The following PDE1C variants were observed in gnomAD, a reference collection of about 807,000 sequenced individuals.
PDE1C encodes dual specificity calcium/calmodulin-dependent 3',5'-cyclic nucleotide phosphodiesterase 1C.
Under a neutral mutation model 93.1 loss-of-function variants are expected in PDE1C, and 62 were observed. The observed-to-expected ratio is 0.67, with a 90% CI of 0.54 to 0.82. The LOEUF (loss-of-function observed/expected upper bound fraction) is 0.82. PDE1C is among the 40% of genes least tolerant of loss of function. The pLI, the probability that PDE1C is intolerant of heterozygous loss-of-function variation, is 0.00. For missense variants in PDE1C, 742 were observed against 884.6 expected (o/e 0.84, Z 2.04); for synonymous variants, 325 against 310.1 (o/e 1.05, Z -0.50).
At chr7:31,959,865 T>C (rs1009728639) in intron 2 of PDE1C, among the ~76,000 whole-genome samples, 1 of 151,956 alleles carries the variant, frequency 6.6e-6, no homozygotes, top group Non-Finnish European at 1.5e-5. Flanking sequence ...AATTTTCGAC[T>C]TGCTAATTTT....
intron 16 of PDE1C, among the ~76,000 whole-genome samples, chr7:31,796,327 G>A (rs1166611317): frequency 1.3e-5 from 2 of 151,496 alleles, no homozygotes; most frequent in Non-Finnish European, 3.0e-5. Flanking sequence ...ATAAGTGTGT[G>A]TGTAATTTCA....
At chr7:31,681,956 G>A in the PDE1C span, among the ~76,000 whole-genome samples, 4 of 152,148 alleles carry the variant, frequency 2.6e-5, no homozygotes, top group Non-Finnish European at 5.9e-5. Flanking sequence ...TTAACTGTAT[G>A]TATTCTCTCA....
intron 14 of PDE1C, among the ~76,000 whole-genome samples, chr7:31,822,498 A>G (rs1789096594): frequency 6.6e-6 from 1 of 152,180 alleles, no homozygotes. Flanking sequence ...TGATAGTACC[A>G]AGGGCCACAA....
At chr7:31,919,778 C>T (rs1210127011) in intron 2 of PDE1C, among the ~76,000 whole-genome samples, 1 of 152,182 alleles carries the variant, frequency 6.6e-6, no homozygotes, top group Non-Finnish European at 1.5e-5. Context: ...ATCCAGTCCA[C>T]CTGTTAGAGG....
chr7:31,957,751 T>C (rs956268268), intron 2 of PDE1C, among the ~76,000 whole-genome samples: 2 of 152,152 alleles, frequency 1.3e-5, no homozygotes, highest in Non-Finnish European at 2.9e-5. Context: ...TTTCCAGATG[T>C]GGCGTTGGTA....
intron 16 of PDE1C, among the ~76,000 whole-genome samples, chr7:31,782,367 G>T (rs1049598621): frequency 6.6e-6 from 1 of 152,094 alleles, no homozygotes; most frequent in Admixed American, 6.5e-5. Context: ...TGTTGGATGG[G>T]GTATTACAAG....
At chr7:31,701,524 TA>T in the PDE1C span, among the ~76,000 whole-genome samples, 1 of 152,376 alleles carries the variant, frequency 6.6e-6, no homozygotes, top group African/African-American at 2.4e-5. Flanking sequence ...GAATATTATG[TA>T]AACTTAGTTT....
intron 2 of PDE1C, among the ~76,000 whole-genome samples, chr7:31,901,046 T>C (rs971877561): frequency 6.7e-6 from 1 of 150,240 alleles, no homozygotes; most frequent in Non-Finnish European, 1.5e-5. Flanking sequence ...TTGGAAACAA[T>C]AGCCAGGATT....
chr7:31,843,390 T>C (rs1320848769), intron 9 of PDE1C, among the ~76,000 whole-genome samples: 2 of 151,990 alleles, frequency 1.3e-5, no homozygotes, highest in African/African-American at 2.4e-5. Context: ...AGTTACCTAA[T>C]AGTTATTTAT....
At chr7:31,713,675 T>G in the PDE1C span, among the ~76,000 whole-genome samples, 1 of 152,202 alleles carries the variant, frequency 6.6e-6, no homozygotes, top group African/African-American at 2.4e-5. Flanking sequence ...GGCATTTCCA[T>G]GTATCCTCTC....
intron 2 of PDE1C, among the ~76,000 whole-genome samples, chr7:31,968,536 A>C (rs997298289): frequency 2.2e-4 from 33 of 150,826 alleles, no homozygotes; most frequent in Non-Finnish European, 4.4e-4. Context: ...CATACTGCCC[A>C]AGGTAATTTA....
the PDE1C span, among the ~76,000 whole-genome samples, chr7:31,692,743 CAGAGAGAGAGAAAG>C: frequency 6.6e-6 from 1 of 152,064 alleles, no homozygotes; most frequent in Non-Finnish European, 1.5e-5. Context: ...GTTCATTAGA[CAGAGAGAGAGAAAG>C]AGAGAGAGAG....
At chr7:31,907,493 T>A (rs10259190) in intron 2 of PDE1C, among the ~76,000 whole-genome samples, 1 of 151,962 alleles carries the variant, frequency 6.6e-6, no homozygotes, top group Admixed American at 6.6e-5. Context: ...TGAGCAACGA[T>A]GGGAATGTAA....
chr7:32,418,703 G>C (rs915969484), intron 1 of PDE1C, among the ~76,000 whole-genome samples: 10 of 152,136 alleles, frequency 6.6e-5, no homozygotes, highest in African/African-American at 2.4e-4. Flanking sequence ...AAGGTACTGA[G>C]TTATTAGGGT....
chr7:31,902,114 A>C (rs1051717655), intron 2 of PDE1C, among the ~76,000 whole-genome samples: 9 of 151,646 alleles, frequency 5.9e-5, no homozygotes, highest in African/African-American at 2.2e-4. Context: ...AGACCAATAG[A>C]GCAAACAAAC....
chr7:31,952,111 G>T (rs563409814), intron 2 of PDE1C, among the ~76,000 whole-genome samples: 1 of 152,202 alleles, frequency 6.6e-6, no homozygotes, highest in African/African-American at 2.4e-5. Flanking sequence ...TACTCCCCCA[G>T]TATCATACAT....
At chr7:31,964,516 C>T (rs532079290) in intron 2 of PDE1C, among the ~76,000 whole-genome samples, 1 of 152,350 alleles carries the variant, frequency 6.6e-6, no homozygotes, top group Non-Finnish European at 1.5e-5. Flanking sequence ...CCTCTGTAGG[C>T]TCCACCTTTG....
In PDE1C at chr7:31,788,275, T is replaced by C. The variant is rs570737290; in HGVS notation, c.1892-12543A>G. 7 of 152,282 alleles carry C rather than the reference T, an allele frequency of 4.6e-5. No individual in the cohort carries two copies. The South Asian group carries it at 8.3e-4, about 18-fold the overall frequency. The allele number at this position is 152,282 out of a possible 1,614,324, so 9.4% of individuals were successfully genotyped here. A position where few individuals can be genotyped will look rare whatever the true frequency, so the allele number is the denominator to read the frequency against. ...AAGGTCCAGGTTCCAAGGTCAAAAA[T>C]TGACATACTCTTGGTTATATTTAAT... On this transcript the variant is annotated intron_variant, in intron 16 of 17. Coordinates refer to ENST00000396191, the MANE Select transcript of PDE1C (RefSeq NM_001191057.4).
chr7:31,780,126 C>T (rs1297982144), intron 16 of PDE1C, among the ~76,000 whole-genome samples: 2 of 152,120 alleles, frequency 1.3e-5, no homozygotes, highest in African/African-American at 4.8e-5. Context: ...GACCCTTCAC[C>T]CCAAGATGCT....
Sources: gnomAD v4.1 joint callset for allele counts (sites outside exome capture counted in the v4.1 genomes callset) on GRCh38, gnomAD v4.1.1 for gene constraint, MANE v1.5 for transcripts, NCBI Gene and HGNC (gene_info 2026-07-23, HGNC 2026-07-21) for gene names.